Variants in DCAKD observed in about 807,000 individuals in gnomAD.
DCAKD encodes dephospho-CoA kinase domain-containing protein.
DCAKD carries 15 observed loss-of-function variants against 18.7 expected under a neutral mutation model. The observed-to-expected ratio is 0.80, with a 90% confidence interval of 0.54 to 1.24. The LOEUF (loss-of-function observed/expected upper bound fraction) is 1.24. Ranked by LOEUF, DCAKD falls within the 50% of genes most tolerant of loss-of-function variation. DCAKD has a pLI of 0.00. For synonymous variants in DCAKD, 130 were observed against 133.0 expected, an observed-to-expected ratio of 0.98 and a Z score of 0.16; for missense variants, 301 against 322.0, an observed-to-expected ratio of 0.93 and a Z score of 0.50.
chr17:45,026,730 GGTCAGT>G lies in DCAKD; in HGVS notation c.405-2012_405-2007del, dbSNP rs2053063921. 6 of 985,364 alleles carry G rather than the reference GGTCAGT, an allele frequency of 6.1e-6. No homozygotes were observed. In the East Asian group the frequency reaches 6.8e-4, roughly 112 times the overall value. The allele number at this position is 985,364 out of a possible 1,614,324, so 61.0% of individuals were successfully genotyped here. On this transcript the variant is annotated intron_variant, in intron 4 of 4. Transcript: ENST00000651974. ...GAGCTATAGATTTCCTCTGTTACGG[GGTCAGT>G]GTACTGTGGCCATTGTGGGGCCAAT...
chr17:45,034,145 T>C, intron 3 of DCAKD, 42 bp downstream of exon 3: 3 of 1,612,684 alleles, frequency 1.9e-6, no homozygotes, highest in Non-Finnish European at 2.5e-6. Flanking sequence ...GCCCTGGCCC[T>C]GGAAGGAGGC....
At chr17:45,043,930 A>T (rs562718640) in intron 1 of DCAKD, among the ~76,000 whole-genome samples, 4 of 151,896 alleles carry the variant, frequency 2.6e-5, no homozygotes, top group African/African-American at 9.7e-5. Flanking sequence ...CACAGCCCAC[A>T]AGGAGCCCCC....
intron 3 of DCAKD, 130 bp from the exon 4 acceptor site, chr17:45,030,309 A>C (rs2053149591): frequency 5.3e-6 from 4 of 757,098 alleles, no homozygotes; most frequent in Non-Finnish European, 7.0e-6. Flanking sequence ...CATACCCTGC[A>C]CACTGGCCGG....
At chr17:45,049,150 A>T (rs1359702728) in intron 1 of DCAKD, among the ~76,000 whole-genome samples, 2 of 152,064 alleles carry the variant, frequency 1.3e-5, no homozygotes, top group Non-Finnish European at 2.9e-5. Context: ...TTCAAGAAGG[A>T]AAAAGGGCCA....
chr17:45,030,406 TG>T (rs991434363), intron 3 of DCAKD, among the ~76,000 whole-genome samples: 2 of 152,302 alleles, frequency 1.3e-5, no homozygotes, highest in African/African-American at 4.8e-5. Flanking sequence ...CTGGCACTTG[TG>T]CTGGCCTTGA....
chr17:45,024,333 GTGT>G lies in DCAKD; in HGVS notation c.*97_*99del. 1 of 9,674 alleles carries G rather than the reference GTGT, an allele frequency of 1.0e-4. No homozygotes were observed. Among genetic ancestry groups the G allele is most frequent in the Non-Finnish European group, 2.1e-4 (1 of 4,804 alleles). The allele number at this position is 9,674 out of a possible 1,614,324, so 0.6% of individuals were successfully genotyped here. On this transcript the variant is annotated 3_prime_UTR_variant, in exon 5 of 5. Coordinates refer to ENST00000651974, the MANE Select transcript of DCAKD (RefSeq NM_001288655.2). ...TGTGTGTGTGTGTGTGTGTGTGTGT[GTGT>G]GTGGGGAGGGGGCTGAGAGGAAACA...
At chr17:45,053,150 G>GC (rs2053740183), upstream of DCAKD, among the ~76,000 whole-genome samples, 3 of 108,004 alleles carry the variant, frequency 2.8e-5, no homozygotes, top group Admixed American at 3.7e-4. Context: ...GGAGACTACA[G>GC]CAAGACTCTG....
At chr17:45,030,229 G>A in intron 3 of DCAKD, 50 bp from the exon 4 acceptor site, 10 of 1,533,310 alleles carry the variant, frequency 6.5e-6, no homozygotes, top group East Asian at 2.2e-5. Context: ...AGCGCACACT[G>A]AGGACTGATG....
chr17:45,032,060 G>A lies in DCAKD; in HGVS notation c.317-1881C>T, dbSNP rs576006968. On this transcript the variant is annotated intron_variant, in intron 3 of 4. Transcript: ENST00000651974. ...AGCTTTGGAGCTGGTGACATTATCC[G>A]ATGTTTAATTTCAGAAGGGGAGAGC... 2,060 of 985,406 alleles carry A rather than the reference G, an allele frequency of 2.1e-3. 6 individuals carry two copies. The highest frequency in any genetic ancestry group is 2.3e-3 in the Non-Finnish European group (1,948 of 829,960). 61.0% of individuals were successfully genotyped at this position (985,406 alleles called of 1,614,324 possible). A position where few individuals can be genotyped will look rare whatever the true frequency, so the allele number is the denominator to read the frequency against.
intron 3 of DCAKD, 137 bp downstream of exon 3, chr17:45,034,050 G>C (rs867853124): frequency 6.3e-7 from 1 of 1,597,950 alleles, no homozygotes. Flanking sequence ...GCTCTGTGTG[G>C]AGGGGATGCC....
chr17:45,030,231 G>C (rs761898110), intron 3 of DCAKD, 52 bp from the exon 4 acceptor site: 1 of 1,533,898 alleles, frequency 6.5e-7, no homozygotes, highest in Non-Finnish European at 9.0e-7. Flanking sequence ...CGCACACTGA[G>C]GACTGATGAT....
rs973284772 is a variant in DCAKD, at chr17:45,023,457, C to T, written c.*976G>A. 6.6e-6 allele frequency: 1 copy of T among 152,108 alleles called. No homozygotes were observed. The highest frequency in any genetic ancestry group is 1.5e-5 in the Non-Finnish European group (1 of 68,046). 9.4% of individuals were successfully genotyped at this position (152,108 alleles called of 1,614,324 possible). A position where few individuals can be genotyped will look rare whatever the true frequency, so the allele number is the denominator to read the frequency against. ...ACTGTCCCTGTCCCTAGAGGGCTTACAGTCTAGTAGGAAAAACCAGGCAAG... is the reference window on the plus strand; with the variant it reads ...ACTGTCCCTGTCCCTAGAGGGCTTATAGTCTAGTAGGAAAAACCAGGCAAG... On this transcript the variant is annotated 3_prime_UTR_variant, in exon 5 of 5. Coordinates refer to ENST00000651974, the MANE Select transcript of DCAKD (RefSeq NM_001288655.2).
At chr17:45,028,834 G>A (rs570506902) in intron 4 of DCAKD, among the ~76,000 whole-genome samples, 4 of 151,576 alleles carry the variant, frequency 2.6e-5, no homozygotes, top group Admixed American at 6.6e-5. Context: ...CCTCCCAAGC[G>A]GCTGAGATTA....
upstream of DCAKD, among the ~76,000 whole-genome samples, chr17:45,056,378 G>T (rs2053779460): frequency 6.6e-6 from 1 of 152,134 alleles, no homozygotes; most frequent in Non-Finnish European, 1.5e-5. Flanking sequence ...TCAAAGCTCA[G>T]AGGTTAAGTG....
chr17:45,028,346 A>G (rs1410175454), intron 4 of DCAKD, among the ~76,000 whole-genome samples: 1 of 149,966 alleles, frequency 6.7e-6, no homozygotes, highest in Admixed American at 6.7e-5. Context: ...TTCTGACCTC[A>G]TGATCCGCCC....
intron 4 of DCAKD, among the ~76,000 whole-genome samples, chr17:45,025,953 CGCTT>C (rs2053046591): frequency 6.7e-6 from 1 of 150,166 alleles, no homozygotes; most frequent in Non-Finnish European, 1.5e-5. Context: ...GACGGAGTCT[CGCTT>C]GCCCAGGCTG....
At chr17:45,037,690 C>T (rs1471496614) in intron 1 of DCAKD, among the ~76,000 whole-genome samples, 1 of 150,638 alleles carries the variant, frequency 6.6e-6, no homozygotes, top group African/African-American at 2.4e-5. Flanking sequence ...GAACTCCTGA[C>T]CTCAGGTGAT....
At chr17:45,042,876 C>T (rs2053473372) in intron 1 of DCAKD, among the ~76,000 whole-genome samples, 1 of 152,208 alleles carries the variant, frequency 6.6e-6, no homozygotes, top group Non-Finnish European at 1.5e-5. Flanking sequence ...CTCCCTGCTC[C>T]CTTTGCCAAC....
At chr17:45,030,864 T>C in intron 3 of DCAKD, 2 of 565,800 alleles carry the variant, frequency 3.5e-6, no homozygotes, top group Non-Finnish European at 4.5e-6. Flanking sequence ...AAAACTGTAT[T>C]ACACTCCTGC....
Sources: allele counts gnomAD v4.1 joint callset (sites outside exome capture counted in the v4.1 genomes callset), GRCh38; gene constraint gnomAD v4.1.1; transcripts MANE v1.5; gene names NCBI Gene and HGNC (gene_info 2026-07-23, HGNC 2026-07-21).